The following CFAP54 variants were observed in gnomAD, a reference collection of about 807,000 sequenced individuals.
CFAP54 encodes cilia and flagella associated protein 54.
Under a neutral mutation model 370.4 loss-of-function variants are expected in CFAP54, and 290 were observed. That is an observed-to-expected ratio of 0.78 (90% CI 0.71 to 0.86). The LOEUF is 0.86. Among genes scored for constraint, CFAP54 ranks in the 40% least tolerant of loss-of-function variants. The pLI is 0.00. For synonymous variants in CFAP54, 1,206 were observed against 1,236.5 expected (o/e 0.98, Z 0.52); for missense variants, 3,399 against 3,528.7 (o/e 0.96, Z 0.93).
intron 40 of CFAP54, 142 bp from the exon 41 acceptor site, chr12:96,684,506 A>G (rs900074185): frequency 3.1e-6 from 2 of 636,670 alleles, no homozygotes; most frequent in Non-Finnish European, 5.6e-6. Flanking sequence ...ATCGTGTGAC[A>G]TTTGAAGGCG....
chr12:96,824,387 T>C (rs543244023), intron 65 of CFAP54, among the ~76,000 whole-genome samples: 32 of 152,334 alleles, frequency 2.1e-4, no homozygotes, highest in African/African-American at 7.7e-4. Flanking sequence ...GTAGCATTGC[T>C]CTCTTCATCT....
intron 43 of CFAP54, 118 bp downstream of exon 43, chr12:96,689,100 A>G (rs1248930624): frequency 1.8e-6 from 1 of 566,294 alleles, no homozygotes; most frequent in African/African-American, 2.0e-5. Context: ...AATCTTGATT[A>G]AATATGACAA....
At chr12:96,731,047 T>C (rs1957914336) in intron 50 of CFAP54, among the ~76,000 whole-genome samples, 1 of 152,186 alleles carries the variant, frequency 6.6e-6, no homozygotes, top group African/African-American at 2.4e-5. Flanking sequence ...ACCATATTAA[T>C]AAAATTAAGA....
intron 67 of CFAP54, among the ~76,000 whole-genome samples, chr12:96,869,316 C>T (rs187456693): frequency 4.6e-5 from 7 of 152,120 alleles, no homozygotes; most frequent in East Asian, 1.9e-4. Flanking sequence ...CACACCAAAA[C>T]GGCTATTTCT....
chr12:96,586,429 G>A (rs367872190), intron 22 of CFAP54, among the ~76,000 whole-genome samples: 12 of 152,120 alleles, frequency 7.9e-5, no homozygotes, highest in Non-Finnish European at 1.6e-4. Context: ...TATGTAAAAC[G>A]AATTGGAAAT....
chr12:96,514,550 TAAC>T (rs1955209763), intron 5 of CFAP54, among the ~76,000 whole-genome samples: 1 of 152,220 alleles, frequency 6.6e-6, no homozygotes, highest in African/African-American at 2.4e-5. Context: ...GCGCTTGGTG[TAAC>T]AACAACAAAC....
intron 63 of CFAP54, among the ~76,000 whole-genome samples, chr12:96,804,124 G>A (rs571555081): frequency 2.2e-4 from 34 of 152,204 alleles, no homozygotes; most frequent in African/African-American, 8.2e-4. Context: ...ACACACTAGA[G>A]CAAGCAGAAG....
Position 96,664,719 on chromosome 12 carries a change from A to C in CFAP54, c.5563+787A>C, listed in dbSNP as rs55700210. The stretch of plus-strand genomic sequence containing the variant: ...TATCTATATATATATATATATCTAT[A>C]TATATCTATATATATATATCTATAT... On this transcript the variant is annotated intron_variant, in intron 39 of 67. Coordinates refer to ENST00000524981, the MANE Select transcript of CFAP54 (RefSeq NM_001306084.2). Among the ~76,000 whole-genome samples the C allele has an allele frequency of 2.9e-3, 21 of 7,254 alleles. 1 individual carries two copies. Among genetic ancestry groups the C allele is most frequent in the East Asian group, 8.0e-3 (3 of 376 alleles). The allele number at this position is 7,254 out of a possible 152,430, so 4.8% of individuals were successfully genotyped here.
intron 47 of CFAP54, among the ~76,000 whole-genome samples, chr12:96,707,365 A>C (rs1565949077): frequency 1.3e-5 from 2 of 152,194 alleles, no homozygotes; most frequent in Non-Finnish European, 2.9e-5. Context: ...TCAGGTCAGA[A>C]GTTACATGGT....
chr12:96,800,872 G>A lies in CFAP54; in HGVS notation c.8850+8373G>A, dbSNP rs142631236. Among the ~76,000 whole-genome samples, 21 of 152,316 alleles carry A rather than the reference G, an allele frequency of 1.4e-4. No homozygotes were observed. The East Asian group carries it at 4.0e-3, about 29-fold the overall frequency. On this transcript the variant is annotated intron_variant, in intron 63 of 67. Coordinates refer to ENST00000524981, the MANE Select transcript of CFAP54 (RefSeq NM_001306084.2). ...TGAGACACAGGATGGAAGAATATTA[G>A]TGGGCAAGGAGTCAGGACTGAAGCA...
At position 96,512,969 on chromosome 12, in the gene CFAP54, T is replaced by G. The variant is rs1258773195; in HGVS notation, c.740-17T>G. On this transcript the variant is annotated splice_polypyrimidine_tract_variant and intron_variant, in intron 4 of 67. Coordinates refer to ENST00000524981, the MANE Select transcript of CFAP54 (RefSeq NM_001306084.2). ...ATTTGACTGTAAAACATGTTAACAA[T>G]CGTTTTCTCCATCCAGGTACCATTT... The G allele has an allele frequency of 6.8e-7, 1 of 1,478,788 alleles. No homozygotes were observed. Among genetic ancestry groups the G allele is most frequent in the Non-Finnish European group, 9.0e-7 (1 of 1,108,990 alleles). 91.6% of individuals were successfully genotyped at this position (1,478,788 alleles called of 1,614,324 possible). A position where few individuals can be genotyped will look rare whatever the true frequency, so the allele number is the denominator to read the frequency against.
At chr12:96,740,161 A>T in intron 51 of CFAP54, 100 bp downstream of exon 51, 1 of 684,982 alleles carries the variant, frequency 1.5e-6, no homozygotes, top group Admixed American at 3.1e-5. Flanking sequence ...AAAGGAGTAA[A>T]GTAGAAAAAA....
rs368432244 is a variant in CFAP54 at position 96,581,564 on chromosome 12, G to A, written c.3075+459G>A. On this transcript the variant is annotated intron_variant, in intron 22 of 67. Coordinates refer to ENST00000524981, the MANE Select transcript of CFAP54 (RefSeq NM_001306084.2). Reference sequence around the variant, plus strand: ...TACAATGTACCGGATAGCCCGCATAGCAAAGAATTATCCAGCATAAAATGT... The same window carrying A: ...TACAATGTACCGGATAGCCCGCATAACAAAGAATTATCCAGCATAAAATGT... 4.6e-5 allele frequency among the ~76,000 whole-genome samples: 7 copies of A among 152,124 alleles called. No homozygotes were observed. In the East Asian group the frequency reaches 1.2e-3, roughly 25 times the overall value.
At chr12:96,664,761 ATATCTATATC>A (rs1957053494) in intron 39 of CFAP54, among the ~76,000 whole-genome samples, 1 of 64,860 alleles carries the variant, frequency 1.5e-5, no homozygotes, top group African/African-American at 7.2e-5. Context: ...ATATCTATAT[ATATCTATATC>A]TATATCTATA....
chr12:96,844,848 T>C (rs920233457), intron 66 of CFAP54, among the ~76,000 whole-genome samples: 3 of 152,164 alleles, frequency 2.0e-5, no homozygotes, highest in Non-Finnish European at 4.4e-5. Flanking sequence ...ACGCCCCTGC[T>C]CTGTGCAGCC....
At chr12:96,811,506 CAAAAATAATATCATAT>C (rs1291096138) in intron 63 of CFAP54, among the ~76,000 whole-genome samples, 1 of 152,144 alleles carries the variant, frequency 6.6e-6, no homozygotes, top group Non-Finnish European at 1.5e-5. Context: ...TGTCACTCTT[CAAAAATAATATCATAT>C]TGTTACCAAA....
rs1449748068 is a variant in CFAP54, at chr12:96,503,961, G to A, written c.499G>A (p.Val167Met). Residue 167 changes from valine (V) to methionine (M), a missense_variant, in exon 3 of 68, where the codon GTG becomes ATG. Val to Met is a conservative substitution (Grantham distance 21, BLOSUM62 1). Transcript: ENST00000524981. ...QFNTNFDENK[V>M]DVTQFKATFF... is the part of the protein sequence containing the mutation. ...CAATACCAATTTTGATGAGAATAAA[G>A]TGGATGTAACTCAATTCAAAGCTAC... 2.0e-6 allele frequency: 3 copies of A among 1,527,970 alleles called. No individual in the cohort carries two copies. The highest frequency in any genetic ancestry group is 2.6e-6 in the Non-Finnish European group (3 of 1,143,870). The allele number at this position is 1,527,970 out of a possible 1,614,324, so 94.7% of individuals were successfully genotyped here. A position where few individuals can be genotyped will look rare whatever the true frequency, so the allele number is the denominator to read the frequency against.
chr12:96,512,374 G>A (rs1043449185), intron 4 of CFAP54, among the ~76,000 whole-genome samples: 7 of 108,456 alleles, frequency 6.5e-5, no homozygotes, highest in Non-Finnish European at 1.1e-4. Flanking sequence ...ATGGAGTCTT[G>A]CTCTGTCGCC....
At chr12:96,563,581 C>T (rs1023682605) in intron 17 of CFAP54, among the ~76,000 whole-genome samples, 4 of 152,214 alleles carry the variant, frequency 2.6e-5, no homozygotes, top group African/African-American at 9.6e-5. Context: ...CTCTGCATTG[C>T]TATCTCCATG....
Sources: allele counts gnomAD v4.1 joint callset (sites outside exome capture counted in the v4.1 genomes callset), GRCh38; gene constraint gnomAD v4.1.1; transcripts MANE v1.5; gene names NCBI Gene and HGNC (gene_info 2026-07-23, HGNC 2026-07-21).